Variants in ILDR1 observed in about 807,000 individuals in gnomAD.
ILDR1 encodes the protein immunoglobulin-like domain-containing receptor 1.
In ILDR1, 56 loss-of-function variants were observed where a neutral mutation model predicts 62.4. That is an observed-to-expected ratio of 0.90 (90% CI 0.72 to 1.12). The LOEUF (loss-of-function observed/expected upper bound fraction) is 1.12. ILDR1 is among the 50% of genes most tolerant of loss of function. The pLI is 0.00. For missense variants in ILDR1, 736 were observed against 710.6 expected (o/e 1.04, Z -0.41); for synonymous variants, 284 against 277.8 (o/e 1.02, Z -0.22).
Position 121,993,728 on chromosome 3 carries a change from A to G in ILDR1, c.1021T>C (p.Ser341Pro), listed in dbSNP as rs770755737. Residue 341 changes from serine (S) to proline (P), a missense_variant, in exon 7 of 8, where the codon TCC becomes CCC. By Grantham distance (74) the Ser-to-Pro change is moderately conservative. Coordinates refer to ENST00000344209, the MANE Select transcript of ILDR1 (RefSeq NM_001199799.2). Reference sequence around the variant, plus strand: ...AGGGAGTCACTGGTCCTCCTTGAGGATGACAGGTCTCTGATCAGTGGGGGC... The same window carrying G: ...AGGGAGTCACTGGTCCTCCTTGAGGGTGACAGGTCTCTGATCAGTGGGGGC... ...HLPPLIRDLS[S>P]SRRTSDSLHQ... 1 of 1,614,090 alleles carries G rather than the reference A, an allele frequency of 6.2e-7. No homozygotes were observed. The highest frequency in any genetic ancestry group is 8.5e-7 in the Non-Finnish European group (1 of 1,179,984).
the ILDR1 span, among the ~76,000 whole-genome samples, chr3:122,038,180 G>T: frequency 2.6e-5 from 4 of 152,168 alleles, no homozygotes; most frequent in African/African-American, 7.2e-5. Context: ...GAACATCAGA[G>T]AACTTTCCCC....
chr3:122,049,814 C>T, the ILDR1 span, among the ~76,000 whole-genome samples: 1 of 152,142 alleles, frequency 6.6e-6, no homozygotes, highest in African/African-American at 2.4e-5. Flanking sequence ...AATGCCTAGA[C>T]AGAACTAGCT....
intron 7 of ILDR1, among the ~76,000 whole-genome samples, chr3:121,990,997 C>T (rs961394258): frequency 2.0e-5 from 3 of 152,134 alleles, no homozygotes; most frequent in African/African-American, 7.2e-5. Flanking sequence ...GTCAAGAGAT[C>T]GAGACCATCC....
intron 7 of ILDR1, among the ~76,000 whole-genome samples, chr3:121,992,626 G>C (rs539033008): frequency 1.3e-5 from 2 of 152,264 alleles, no homozygotes; most frequent in South Asian, 4.1e-4. Context: ...TCAGTTTAAT[G>C]GTCCTTTCCA....
the ILDR1 span, among the ~76,000 whole-genome samples, chr3:122,061,541 G>A: frequency 6.6e-6 from 1 of 151,988 alleles, no homozygotes; most frequent in Admixed American, 6.6e-5. Context: ...TCAGAAAAAT[G>A]GGCAAAAGAT....
chr3:122,032,965 G>C, the ILDR1 span, among the ~76,000 whole-genome samples: 853 of 152,348 alleles, frequency 5.6e-3, 8 homozygotes, highest in African/African-American at 0.02. Context: ...CTGACACACA[G>C]AAACAGTGAG....
chr3:121,990,726 G>A (rs1006053201), intron 7 of ILDR1, among the ~76,000 whole-genome samples: 7 of 152,042 alleles, frequency 4.6e-5, no homozygotes, highest in South Asian at 2.1e-4. Context: ...CTGGGACTAC[G>A]GGTACATGCC....
upstream of ILDR1, among the ~76,000 whole-genome samples, chr3:122,024,383 G>C (rs1019625869): frequency 1.3e-5 from 2 of 152,102 alleles, no homozygotes; most frequent in African/African-American, 4.8e-5. Context: ...AAACATAATA[G>C]GGAAGATAAG....
At chr3:122,023,772 G>C (rs76936600), upstream of ILDR1, among the ~76,000 whole-genome samples, 44 of 152,060 alleles carry the variant, frequency 2.9e-4, no homozygotes, top group Admixed American at 2.6e-3. Context: ...TAGGTCTTCC[G>C]TGGAGGGATC....
chr3:122,005,107 C>T (rs1248371275), intron 3 of ILDR1, 137 bp downstream of exon 3: 5 of 684,894 alleles, frequency 7.3e-6, no homozygotes, highest in East Asian at 2.7e-5. Flanking sequence ...TGGCACTTTC[C>T]TCAAACAATG....
chr3:122,009,016 G>A (rs964925344), intron 1 of ILDR1, among the ~76,000 whole-genome samples: 7 of 150,708 alleles, frequency 4.6e-5, no homozygotes, highest in South Asian at 2.1e-4. Flanking sequence ...TCACTGCAAC[G>A]TTGACCTCCT....
chr3:122,025,318 A>G (rs1291461523), upstream of ILDR1: 1 of 152,252 alleles, frequency 6.6e-6, no homozygotes, highest in Non-Finnish European at 1.5e-5. Context: ...AAGCACTTTC[A>G]TTATTGAAGT....
At chr3:122,036,865 T>G in the ILDR1 span, among the ~76,000 whole-genome samples, 1 of 152,198 alleles carries the variant, frequency 6.6e-6, no homozygotes, top group Non-Finnish European at 1.5e-5. Flanking sequence ...CCAACTCCTC[T>G]GTGCAGCCTC....
chr3:122,031,818 T>G, the ILDR1 span, among the ~76,000 whole-genome samples: 1 of 152,176 alleles, frequency 6.6e-6, no homozygotes, highest in African/African-American at 2.4e-5. Context: ...TCTATAGTAG[T>G]TTTTTATAGC....
At chr3:122,003,165 A>G (rs903630723) in intron 3 of ILDR1, among the ~76,000 whole-genome samples, 2 of 152,192 alleles carry the variant, frequency 1.3e-5, no homozygotes, top group Non-Finnish European at 1.5e-5. Flanking sequence ...CCCCACCCAC[A>G]GTAAATGCCA....
At chr3:122,038,573 T>C in the ILDR1 span, among the ~76,000 whole-genome samples, 70 of 152,068 alleles carry the variant, frequency 4.6e-4, no homozygotes, top group Non-Finnish European at 5.7e-4. Flanking sequence ...ATACAACACG[T>C]CTAACTTGCA....
chr3:122,001,617 C>G, intron 4 of ILDR1, 128 bp downstream of exon 4: 3 of 1,506,212 alleles, frequency 2.0e-6, no homozygotes, highest in Non-Finnish European at 2.8e-6. Context: ...GATAAGGGAA[C>G]TTTAGAGGTT....
intron 5 of ILDR1, 142 bp downstream of exon 5, chr3:122,001,166 G>A (rs2071518601): frequency 1.0e-6 from 1 of 982,222 alleles, no homozygotes; most frequent in Non-Finnish European, 1.6e-6. Context: ...TCAGGGCTGA[G>A]GCTAATGTCC....
At position 121,993,667 on chromosome 3, in the gene ILDR1, G is replaced by A. The variant is rs1184540201; in HGVS notation, c.1082C>T (p.Pro361Leu). 2 of 1,614,200 alleles carry A rather than the reference G, an allele frequency of 1.2e-6. No homozygotes were observed. Among genetic ancestry groups the A allele is most frequent in the Admixed American group, 1.7e-5 (1 of 60,030 alleles). Residue 361 changes from proline (P) to leucine (L), a missense_variant, in exon 7 of 8, where the codon CCC becomes CTC. By Grantham distance (98) the Pro-to-Leu change is moderately conservative (BLOSUM62 -3). Transcript: ENST00000344209. Reference protein sequence around the residue: ...QQWLTPIPSRPWDLREGRSHH... With the variant: ...QQWLTPIPSRLWDLREGRSHH... ...GCTTCTCCCCTCCCTCAGATCCCAG[G>A]GCCTGGAGGGAATTGGGGTGAGCCA...
Sources: allele counts gnomAD v4.1 joint callset (sites outside exome capture counted in the v4.1 genomes callset), GRCh38; gene constraint gnomAD v4.1.1; transcripts MANE v1.5; gene names NCBI Gene and HGNC (gene_info 2026-07-23, HGNC 2026-07-21).